The following TMEM200A variants were observed in gnomAD, a reference collection of about 807,000 sequenced individuals.
The protein encoded by TMEM200A is two transmembrane C.
A neutral mutation model predicts 24.3 loss-of-function variants in TMEM200A; 12 were observed. The ratio of observed to expected loss-of-function variants is 0.49; its 90% CI spans 0.32 to 0.80. TMEM200A has a LOEUF of 0.80. Ranked by LOEUF, TMEM200A falls within the 30% of genes least tolerant of loss-of-function variation. The pLI is 0.04. For missense variants in TMEM200A, 545 were observed against 614.4 expected (o/e 0.89, Z 1.19); for synonymous variants, 224 against 224.4 (o/e 1.00, Z 0.02).
At position 130,415,412 on chromosome 6, in the gene TMEM200A, C is replaced by T. The variant is rs142170869; in HGVS notation, c.-16-24995C>T. Among the ~76,000 whole-genome samples, 489 of 152,268 alleles carry T rather than the reference C, an allele frequency of 3.2e-3. 4 individuals carry two copies. The highest frequency in any genetic ancestry group is 0.011 in the African/African-American group (464 of 41,554). Reference sequence around the variant, plus strand: ...TCCTTTAATATGTTCTCCTCACTTTCGTGTGCTTGACTTGCCAATAACAAG... The same window carrying T: ...TCCTTTAATATGTTCTCCTCACTTTTGTGTGCTTGACTTGCCAATAACAAG... On this transcript the variant is annotated intron_variant, in intron 2 of 2. Transcript: ENST00000296978.
chr6:130,398,789 T>TCTC (rs1779015316), intron 2 of TMEM200A, among the ~76,000 whole-genome samples: 1 of 152,042 alleles, frequency 6.6e-6, no homozygotes, highest in African/African-American at 2.4e-5. Flanking sequence ...TGTGTCTTCT[T>TCTC]CTGAGAACTG....
rs751994776 is a variant in TMEM200A at position 130,441,831 on chromosome 6, T to C, written c.1409T>C (p.Leu470Ser). 5.0e-6 allele frequency: 8 copies of C among 1,613,778 alleles called. No individual in the cohort carries two copies. The East Asian group carries it at 1.8e-4, about 36-fold the overall frequency. Residue 470 changes from leucine (L) to serine (S), a missense_variant, in exon 3 of 3, where the codon TTG (leucine) becomes TCG (serine). Transcript: ENST00000296978. ...ATGATTTCAAGATCTCACAATAATT[T>C]GAGTTTTGAACATGATGAGTTTTTG... ...LLMISRSHNN[L>S]SFEHDEFLSN...
At chr6:130,368,500 A>T (rs1046605445) in intron 1 of TMEM200A, among the ~76,000 whole-genome samples, 5 of 152,196 alleles carry the variant, frequency 3.3e-5, no homozygotes, top group African/African-American at 9.7e-5. Flanking sequence ...CTGCAATGAG[A>T]TGGACCTCAT....
At chr6:130,372,385 A>G (rs1463322411) in intron 1 of TMEM200A, among the ~76,000 whole-genome samples, 1 of 152,126 alleles carries the variant, frequency 6.6e-6, no homozygotes, top group African/African-American at 2.4e-5. Context: ...TCAGTACAGG[A>G]TCTCTATCAT....
At chr6:130,396,329 A>G (rs558106977) in intron 2 of TMEM200A, among the ~76,000 whole-genome samples, 3 of 149,056 alleles carry the variant, frequency 2.0e-5, no homozygotes, top group African/African-American at 7.4e-5. Context: ...GCCTCAAAAA[A>G]TGACTCAGAA....
At chr6:130,407,276 A>G (rs1418084399) in intron 2 of TMEM200A, among the ~76,000 whole-genome samples, 4 of 152,164 alleles carry the variant, frequency 2.6e-5, no homozygotes, top group Admixed American at 2.6e-4. Flanking sequence ...ATGAAATCTA[A>G]CCTAATGTTT....
At chr6:130,365,647 A>G (rs1778116942), upstream of TMEM200A, 1 of 985,290 alleles carries the variant, frequency 1.0e-6, no homozygotes, top group South Asian at 4.7e-5. Flanking sequence ...CGCGGTAGCT[A>G]GAGGCGGGCC....
intron 2 of TMEM200A, among the ~76,000 whole-genome samples, chr6:130,388,420 C>T (rs1778760865): frequency 6.6e-6 from 1 of 152,188 alleles, no homozygotes; most frequent in African/African-American, 2.4e-5. Flanking sequence ...GTTATATCTG[C>T]CCTCAATAAG....
At chr6:130,420,861 C>T (rs1319506112) in intron 2 of TMEM200A, among the ~76,000 whole-genome samples, 2 of 151,968 alleles carry the variant, frequency 1.3e-5, no homozygotes, top group Non-Finnish European at 2.9e-5. Flanking sequence ...TCCCTTCCTA[C>T]TCATTTCTTC....
intron 1 of TMEM200A, chr6:130,383,034 G>A (rs1778637509): frequency 1.0e-6 from 1 of 985,380 alleles, no homozygotes; most frequent in South Asian, 4.7e-5. Context: ...GGCCAGGCAT[G>A]ATGTTACACT....
chr6:130,428,586 T>A (rs1457141313), intron 2 of TMEM200A, among the ~76,000 whole-genome samples: 2 of 152,180 alleles, frequency 1.3e-5, no homozygotes, highest in Non-Finnish European at 2.9e-5. Context: ...CAGGCACTGA[T>A]TGATTGATAC....
intron 1 of TMEM200A, among the ~76,000 whole-genome samples, chr6:130,370,119 C>T (rs1778284733): frequency 6.6e-6 from 1 of 152,168 alleles, no homozygotes; most frequent in African/African-American, 2.4e-5. Context: ...CCCCATTTCT[C>T]AGTCCCACTT....
At chr6:130,432,946 G>T (rs1018906611) in intron 2 of TMEM200A, among the ~76,000 whole-genome samples, 1 of 152,050 alleles carries the variant, frequency 6.6e-6, no homozygotes, top group African/African-American at 2.4e-5. Flanking sequence ...ATTCAAGCCT[G>T]CTAGGTCTTC....
At chr6:130,424,929 T>C (rs1233590163) in intron 2 of TMEM200A, among the ~76,000 whole-genome samples, 2 of 152,192 alleles carry the variant, frequency 1.3e-5, no homozygotes, top group Admixed American at 1.3e-4. Flanking sequence ...TCTCTGCCTC[T>C]CTGCTTTTCC....
intron 2 of TMEM200A, among the ~76,000 whole-genome samples, chr6:130,433,379 C>G (rs1039406663): frequency 4.6e-5 from 7 of 152,172 alleles, no homozygotes; most frequent in Non-Finnish European, 1.0e-4. Flanking sequence ...CTCAGGTGAT[C>G]CGCCTGCCTC....
chr6:130,417,741 C>T (rs1779490785), intron 2 of TMEM200A, among the ~76,000 whole-genome samples: 1 of 152,188 alleles, frequency 6.6e-6, no homozygotes, highest in Non-Finnish European at 1.5e-5. Flanking sequence ...AGTCATTTCT[C>T]ATTCTTGATC....
At chr6:130,397,873 A>T (rs1464080954) in intron 2 of TMEM200A, among the ~76,000 whole-genome samples, 1 of 151,156 alleles carries the variant, frequency 6.6e-6, no homozygotes, top group Non-Finnish European at 1.5e-5. Context: ...TAATAATTTC[A>T]TAATAATAAT....
At chr6:130,368,455 G>A (rs1778235590) in intron 1 of TMEM200A, among the ~76,000 whole-genome samples, 2 of 152,150 alleles carry the variant, frequency 1.3e-5, no homozygotes, top group Admixed American at 1.3e-4. Flanking sequence ...ATTTAAAAGA[G>A]GAAAAATAAC....
chr6:130,428,835 G>A (rs1273052213), intron 2 of TMEM200A, among the ~76,000 whole-genome samples: 1 of 152,102 alleles, frequency 6.6e-6, no homozygotes, highest in Non-Finnish European at 1.5e-5. Flanking sequence ...TAAACAGCTA[G>A]CAAGTTTAAT....
Sources: gnomAD v4.1 joint callset for allele counts (sites outside exome capture counted in the v4.1 genomes callset) on GRCh38, gnomAD v4.1.1 for gene constraint, MANE v1.5 for transcripts, NCBI Gene and HGNC (gene_info 2026-07-23, HGNC 2026-07-21) for gene names.